The following KIAA1217 variants were observed in gnomAD, a reference collection of about 807,000 sequenced individuals.
KIAA1217 encodes the protein KIAA1217.
In KIAA1217, 88 loss-of-function variants were observed where a neutral mutation model predicts 163.9. The ratio of observed to expected loss-of-function variants is 0.54; its 90% CI spans 0.45 to 0.64. KIAA1217 has a LOEUF of 0.64. Ranked by LOEUF, KIAA1217 falls within the 30% of genes least tolerant of loss-of-function variation. The probability of loss-of-function intolerance (pLI) is 0.00; values close to 1 mark genes in which losing one functional copy is unlikely to be tolerated. For missense variants in KIAA1217, 2,372 were observed against 2,475.0 expected (o/e 0.96, Z 0.88); for synonymous variants, 903 against 923.1 (o/e 0.98, Z 0.39).
rs141991138 is a variant in KIAA1217 at position 24,387,373 on chromosome 10, T to G, written c.553+6306T>G. ...TAAACAGCCTTCATGCTAAAAACTT[T>G]CAATAAACTAGGTATTGATGGGACA... On this transcript the variant is annotated intron_variant, in intron 3 of 20. Coordinates refer to ENST00000376454, the MANE Select transcript of KIAA1217 (RefSeq NM_019590.5). Among the ~76,000 whole-genome samples the G allele has an allele frequency of 5.6e-3, 858 of 152,332 alleles. 11 individuals carry two copies. The highest frequency in any genetic ancestry group is 0.019 in the African/African-American group (796 of 41,574).
intron 2 of KIAA1217, among the ~76,000 whole-genome samples, chr10:24,168,338 A>G (rs1049600218): frequency 1.3e-5 from 2 of 152,158 alleles, no homozygotes; most frequent in Admixed American, 1.3e-4. Context: ...CTGAGGCTCC[A>G]TGAAAGTAGT....
intron 2 of KIAA1217, among the ~76,000 whole-genome samples, chr10:24,057,423 C>T (rs1237247757): frequency 6.6e-6 from 1 of 152,112 alleles, no homozygotes; most frequent in Non-Finnish European, 1.5e-5. Context: ...CATAGTAACT[C>T]GCCATTTGTC....
intron 3 of KIAA1217, among the ~76,000 whole-genome samples, chr10:24,417,357 G>A (rs764830111): frequency 5.3e-5 from 8 of 152,278 alleles, no homozygotes; most frequent in Non-Finnish European, 1.2e-4. Flanking sequence ...AAAGCAAGGC[G>A]TGAAATTTGA....
chr10:24,270,018 A>C (rs920080532), intron 2 of KIAA1217, among the ~76,000 whole-genome samples: 3 of 152,260 alleles, frequency 2.0e-5, no homozygotes, highest in Non-Finnish European at 4.4e-5. Flanking sequence ...CCCCTGCCAC[A>C]GGAGTGGGCA....
chr10:23,754,494 A>T (rs770491665), intron 1 of KIAA1217, among the ~76,000 whole-genome samples: 9 of 152,028 alleles, frequency 5.9e-5, no homozygotes, highest in Non-Finnish European at 1.2e-4. Flanking sequence ...CAGGCAGAAA[A>T]TCTCTTCTTT....
intron 2 of KIAA1217, among the ~76,000 whole-genome samples, chr10:24,202,229 C>G (rs527414921): frequency 2.2e-3 from 329 of 152,266 alleles, no homozygotes; most frequent in Middle Eastern, 3.4e-3. Context: ...AAACTAGCTG[C>G]GTTGTTGAAA....
At chr10:23,897,300 T>C (rs1246757135) in intron 1 of KIAA1217, among the ~76,000 whole-genome samples, 2 of 152,098 alleles carry the variant, frequency 1.3e-5, no homozygotes, top group Non-Finnish European at 2.9e-5. Context: ...AATCTATTTG[T>C]AGCTTCATCT....
intron 1 of KIAA1217, among the ~76,000 whole-genome samples, chr10:23,777,702 T>A (rs1234209258): frequency 6.6e-6 from 1 of 151,156 alleles, no homozygotes; most frequent in Non-Finnish European, 1.5e-5. Flanking sequence ...TAAAAAAAAA[T>A]AAAGATGCAT....
At chr10:24,522,529 A>G (rs2071441850) in intron 12 of KIAA1217, among the ~76,000 whole-genome samples, 1 of 152,210 alleles carries the variant, frequency 6.6e-6, no homozygotes, top group African/African-American at 2.4e-5. Flanking sequence ...GAAAAGAGGA[A>G]CAAAGCATTT....
intron 1 of KIAA1217, among the ~76,000 whole-genome samples, chr10:23,833,538 C>A (rs1202705033): frequency 6.6e-6 from 1 of 150,898 alleles, no homozygotes; most frequent in East Asian, 1.9e-4. Flanking sequence ...TGATGTTTCT[C>A]TACTATTTCC....
At chr10:23,892,090 C>A (rs1215683447) in intron 1 of KIAA1217, among the ~76,000 whole-genome samples, 1 of 151,782 alleles carries the variant, frequency 6.6e-6, no homozygotes, top group Non-Finnish European at 1.5e-5. Flanking sequence ...AAATAACACA[C>A]ACTATATATT....
At chr10:23,957,196 G>A (rs1314015289) in intron 1 of KIAA1217, among the ~76,000 whole-genome samples, 1 of 152,114 alleles carries the variant, frequency 6.6e-6, no homozygotes, top group Non-Finnish European at 1.5e-5. Flanking sequence ...AGAGTCCCGT[G>A]TGTGCTGGCC....
chr10:24,409,092 C>A (rs1182730390), intron 3 of KIAA1217, among the ~76,000 whole-genome samples: 3 of 152,144 alleles, frequency 2.0e-5, no homozygotes, highest in Non-Finnish European at 4.4e-5. Context: ...CATACACAGT[C>A]TTATTTGATC....
intron 3 of KIAA1217, among the ~76,000 whole-genome samples, chr10:24,396,892 A>G (rs905996401): frequency 7.9e-5 from 12 of 152,278 alleles, no homozygotes; most frequent in African/African-American, 2.9e-4. Flanking sequence ...TTTAAAGACT[A>G]TTCTGGCTAC....
chr10:23,921,784 C>T (rs1842855690), intron 1 of KIAA1217, among the ~76,000 whole-genome samples: 1 of 152,148 alleles, frequency 6.6e-6, no homozygotes, highest in Non-Finnish European at 1.5e-5. Context: ...TTAACCACTC[C>T]TAGCATTATT....
At chr10:24,001,531 A>G (rs1846744018) in intron 1 of KIAA1217, among the ~76,000 whole-genome samples, 1 of 152,240 alleles carries the variant, frequency 6.6e-6, no homozygotes, top group African/African-American at 2.4e-5. Flanking sequence ...AGGTTACTAT[A>G]TGGTTCACAG....
chr10:24,036,261 T>C (rs1220126803), intron 2 of KIAA1217, among the ~76,000 whole-genome samples: 1 of 152,212 alleles, frequency 6.6e-6, no homozygotes, highest in Non-Finnish European at 1.5e-5. Flanking sequence ...ACGGTAGTGT[T>C]CTCTCTCTTT....
chr10:24,118,542 T>A (rs1028768794), intron 2 of KIAA1217, among the ~76,000 whole-genome samples: 1 of 152,210 alleles, frequency 6.6e-6, no homozygotes, highest in African/African-American at 2.4e-5. Context: ...TCTTCAGACA[T>A]CCTCACGTTG....
chr10:24,434,032 T>C (rs1355388176), intron 4 of KIAA1217, among the ~76,000 whole-genome samples: 3 of 129,508 alleles, frequency 2.3e-5, no homozygotes, highest in African/African-American at 5.8e-5. Context: ...TCTCTTTTTT[T>C]TTTTTTTTTT....
Sources: gnomAD v4.1 joint callset for allele counts (sites outside exome capture counted in the v4.1 genomes callset) on GRCh38, gnomAD v4.1.1 for gene constraint, MANE v1.5 for transcripts, NCBI Gene and HGNC (gene_info 2026-07-23, HGNC 2026-07-21) for gene names.